The following DCAF4 variants were observed in gnomAD, a reference collection of about 807,000 sequenced individuals.
DCAF4 encodes DDB1- and CUL4-associated factor 4.
DCAF4 carries 37 observed loss-of-function variants against 60.9 expected under a neutral mutation model. The ratio of observed to expected loss-of-function variants is 0.61; its 90% CI spans 0.47 to 0.80. The LOEUF is 0.80. Ranked by LOEUF, DCAF4 falls within the 30% of genes least tolerant of loss-of-function variation. The probability of loss-of-function intolerance (pLI) is 0.00; values close to 1 mark genes in which losing one functional copy is unlikely to be tolerated. For missense variants in DCAF4, 577 were observed against 650.0 expected (o/e 0.89, Z 1.22); for synonymous variants, 243 against 254.8 (o/e 0.95, Z 0.44).
At chr14:72,960,695 A>G, downstream of DCAF4, 1 of 1,064,672 alleles carries the variant, frequency 9.4e-7, no homozygotes, top group Non-Finnish European at 1.2e-6. Flanking sequence ...AGTTGGGCAG[A>G]GACAGGCAAG....
intron 2 of DCAF4, 60 bp from the exon 3 acceptor site, chr14:72,939,742 C>A: frequency 6.8e-7 from 1 of 1,468,652 alleles, no homozygotes; most frequent in East Asian, 2.5e-5. Flanking sequence ...TCCCTGCCCC[C>A]GTCAGAATGG....
chr14:72,953,730 AAAATATATATATAT>A lies in DCAF4; in HGVS notation c.809-432_809-419del, dbSNP rs1891796342. On this transcript the variant is annotated intron_variant, in intron 9 of 13. Coordinates refer to ENST00000358377, the MANE Select transcript of DCAF4 (RefSeq NM_015604.4). The stretch of plus-strand genomic sequence containing the variant: ...GTCTTAAAAAAAAAAAAAAAAAAAA[AAAATATATATATAT>A]ATATATATATATATATATAGTTTAT... Among the ~76,000 whole-genome samples the A allele has an allele frequency of 7.2e-5, 2 of 27,778 alleles. 1 individual carries two copies. The highest frequency in any genetic ancestry group is 3.4e-4 in the African/African-American group (2 of 5,836). The allele number at this position is 27,778 out of a possible 152,430, so 18.2% of individuals were successfully genotyped here. A position where few individuals can be genotyped will look rare whatever the true frequency, so the allele number is the denominator to read the frequency against.
rs751311450 is a variant in DCAF4, at chr14:72,951,830, GCTGTGCCACC to G, written c.765_774del (p.Ala256SerfsTer13). ...CTCATGGGACTCGCAGAGACTCCAGGCTGTGCCACCCTGCTCCCAGCATCACTGTTCGTCA... is the reference window on the plus strand; with the variant it reads ...CTCATGGGACTCGCAGAGACTCCAGGCTGCTCCCAGCATCACTGTTCGTCA... On this transcript the variant is annotated frameshift_variant, in exon 9 of 14. Transcript: ENST00000358377. LOFTEE classifies it high-confidence loss of function. 1.2e-6 allele frequency: 2 copies of G among 1,614,010 alleles called. No homozygotes were observed. Among genetic ancestry groups the G allele is most frequent in the African/African-American group, 2.7e-5 (2 of 74,906 alleles).
chr14:72,934,892 G>A (rs1012062407), intron 1 of DCAF4: 1 of 152,184 alleles, frequency 6.6e-6, no homozygotes, highest in African/African-American at 2.4e-5. Flanking sequence ...GAAGCTACCT[G>A]GGACTTAAAT....
intron 6 of DCAF4, among the ~76,000 whole-genome samples, chr14:72,943,658 G>A (rs1454130263): frequency 6.6e-6 from 1 of 152,188 alleles, no homozygotes. Context: ...CTTAAACCCA[G>A]GGGCCAGGGA....
At chr14:72,941,706 A>C in intron 4 of DCAF4, 39 bp from the exon 5 acceptor site, 1 of 1,582,620 alleles carries the variant, frequency 6.3e-7, no homozygotes, top group South Asian at 1.1e-5. Flanking sequence ...TAACAAATAA[A>C]TCTTCATTGA....
chr14:72,943,191 A>G, intron 6 of DCAF4, 95 bp downstream of exon 6: 1 of 1,100,060 alleles, frequency 9.1e-7, no homozygotes. Flanking sequence ...GGCTCTGGAG[A>G]AGCCAACTGC....
At chr14:72,960,541 CT>C, downstream of DCAF4, 1 of 947,716 alleles carries the variant, frequency 1.1e-6, no homozygotes, top group Non-Finnish European at 1.3e-6. Flanking sequence ...GCAGTTTGCA[CT>C]GTGCCCCCTC....
chr14:72,956,641 C>T, intron 13 of DCAF4, 141 bp downstream of exon 13: 1 of 732,396 alleles, frequency 1.4e-6, no homozygotes, highest in Non-Finnish European at 2.3e-6. Context: ...GGTGGGGAGA[C>T]TAGGAGGGAA....
intron 9 of DCAF4, among the ~76,000 whole-genome samples, chr14:72,952,614 C>G (rs913235261): frequency 2.0e-5 from 3 of 151,440 alleles, no homozygotes; most frequent in African/African-American, 7.3e-5. Context: ...TCACAGTACC[C>G]TTTGGGGAGG....
chr14:72,954,575 T>A, intron 11 of DCAF4, 92 bp downstream of exon 11: 1 of 1,190,838 alleles, frequency 8.4e-7, no homozygotes, highest in Non-Finnish European at 1.2e-6. Context: ...TGCCATCTAG[T>A]ACTCTTTGAC....
At chr14:72,958,341 G>A (rs762957390) in intron 13 of DCAF4, among the ~76,000 whole-genome samples, 7 of 152,170 alleles carry the variant, frequency 4.6e-5, no homozygotes, top group South Asian at 2.1e-4. Flanking sequence ...TGAACGTTCC[G>A]TGACATCAAG....
At chr14:72,956,292 A>G in intron 12 of DCAF4, 94 bp from the exon 13 acceptor site, 1 of 883,400 alleles carries the variant, frequency 1.1e-6, no homozygotes, top group South Asian at 1.8e-5. Flanking sequence ...TGCACAGGCC[A>G]CTGGAGACCA....
intron 1 of DCAF4, among the ~76,000 whole-genome samples, chr14:72,933,526 T>C (rs1216399072): frequency 6.7e-6 from 1 of 149,794 alleles, no homozygotes; most frequent in Admixed American, 6.7e-5. Flanking sequence ...GCCATTGCAC[T>C]CCAGCCTGGG....
chr14:72,946,277 C>T (rs1207075568), intron 7 of DCAF4, among the ~76,000 whole-genome samples: 2 of 150,988 alleles, frequency 1.3e-5, no homozygotes, highest in African/African-American at 4.9e-5. Flanking sequence ...CACCTGTAGT[C>T]CCAGCTGCTT....
At chr14:72,950,760 A>G (rs1395078038) in intron 8 of DCAF4, among the ~76,000 whole-genome samples, 1 of 152,170 alleles carries the variant, frequency 6.6e-6, no homozygotes, top group African/African-American at 2.4e-5. Context: ...AGATAAGCAG[A>G]AATTTTAAGG....
At chr14:72,941,246 T>G (rs1379304707) in intron 4 of DCAF4, among the ~76,000 whole-genome samples, 1 of 152,106 alleles carries the variant, frequency 6.6e-6, no homozygotes, top group Non-Finnish European at 1.5e-5. Context: ...ATTAGAGGTG[T>G]GAGCCACCAT....
chr14:72,961,818 G>A, downstream of DCAF4: 1 of 1,040,436 alleles, frequency 9.6e-7, no homozygotes, highest in Non-Finnish European at 1.2e-6. Context: ...TGGACTGGAA[G>A]CAGGCTCAGG....
Position 72,959,241 on chromosome 14 carries a change from TG to T in DCAF4, c.*437del. On this transcript the variant is annotated 3_prime_UTR_variant, in exon 14 of 14. Coordinates refer to ENST00000358377, the MANE Select transcript of DCAF4 (RefSeq NM_015604.4). ...GGAAGAAAGACCTGCATCCTGCATC[TG>T]TACTTGGGGAAGCCAGCGGAGAGGA... 4.0e-6 allele frequency: 4 copies of T among 988,980 alleles called. No individual in the cohort carries two copies. Among genetic ancestry groups the T allele is most frequent in the Non-Finnish European group, 4.8e-6 (4 of 832,346 alleles). 61.3% of individuals were successfully genotyped at this position (988,980 alleles called of 1,614,324 possible).
Sources: allele counts gnomAD v4.1 joint callset (sites outside exome capture counted in the v4.1 genomes callset), GRCh38; gene constraint gnomAD v4.1.1; transcripts MANE v1.5; gene names NCBI Gene and HGNC (gene_info 2026-07-23, HGNC 2026-07-21).